Variants in VDAC1 observed in about 807,000 individuals in gnomAD.
VDAC1 encodes the protein voltage dependent anion channel 1.
VDAC1 carries 10 observed loss-of-function variants against 34.7 expected under a neutral mutation model. That is an observed-to-expected ratio of 0.29 (90% CI 0.18 to 0.49). VDAC1 has a LOEUF of 0.49. VDAC1 is among the 20% of genes least tolerant of loss of function. The pLI, the probability that VDAC1 is intolerant of heterozygous loss-of-function variation, is 0.99. For synonymous variants in VDAC1, 130 were observed against 136.0 expected (o/e 0.96, Z 0.30); for missense variants, 230 against 347.9 (o/e 0.66, Z 2.69).
At chr5:134,054,051 A>T in the VDAC1 span, among the ~76,000 whole-genome samples, 1 of 152,228 alleles carries the variant, frequency 6.6e-6, no homozygotes, top group Non-Finnish European at 1.5e-5. Flanking sequence ...TTTAATAACC[A>T]TTTGGTATAA....
chr5:134,085,866 C>T, the VDAC1 span, among the ~76,000 whole-genome samples: 2 of 151,732 alleles, frequency 1.3e-5, no homozygotes, highest in Non-Finnish European at 2.9e-5. Context: ...TATGATCAGC[C>T]TGGGTGACAG....
At chr5:134,004,111 G>T (rs938457686) in intron 1 of VDAC1, among the ~76,000 whole-genome samples, 8 of 152,178 alleles carry the variant, frequency 5.3e-5, no homozygotes, top group Admixed American at 3.3e-4. Flanking sequence ...GGTGCCGGGC[G>T]CCAGCTTCTG....
chr5:133,984,421 T>A (rs1271198553), intron 5 of VDAC1, among the ~76,000 whole-genome samples: 1 of 1,668 alleles, frequency 6.0e-4, no homozygotes, highest in Non-Finnish European at 1.5e-3. Context: ...ATGACCAGCG[T>A]GTGTGTGTGT....
chr5:134,014,265 G>A, the VDAC1 span, among the ~76,000 whole-genome samples: 1 of 152,118 alleles, frequency 6.6e-6, no homozygotes, highest in Non-Finnish European at 1.5e-5. Flanking sequence ...ACTCCAGCCT[G>A]GATGACAGAG....
At chr5:134,011,819 T>C in the VDAC1 span, among the ~76,000 whole-genome samples, 1 of 151,878 alleles carries the variant, frequency 6.6e-6, no homozygotes, top group Admixed American at 6.6e-5. Context: ...TCTGTATTTT[T>C]AGTAGAGACG....
rs759616930 is a variant in VDAC1, at chr5:133,974,518, C to T, written c.703-670G>A. ...TTTCAGAGTGCCCCTTTTAACAGTCCGCATGATAGAACAGGAACTGGTATT... is the reference window on the plus strand; with the variant it reads ...TTTCAGAGTGCCCCTTTTAACAGTCTGCATGATAGAACAGGAACTGGTATT... On this transcript the variant is annotated intron_variant, in intron 7 of 8. Coordinates refer to ENST00000265333, the MANE Select transcript of VDAC1 (RefSeq NM_003374.3). 4.6e-5 allele frequency among the ~76,000 whole-genome samples: 7 copies of T among 152,262 alleles called. No homozygotes were observed. The East Asian group carries it at 7.7e-4, about 17-fold the overall frequency.
chr5:134,084,279 G>A, the VDAC1 span, among the ~76,000 whole-genome samples: 16 of 152,300 alleles, frequency 1.1e-4, 1 homozygote, highest in African/African-American at 3.6e-4. Flanking sequence ...GTCTACTGGA[G>A]TATTGATTCC....
At chr5:134,041,587 T>C in the VDAC1 span, among the ~76,000 whole-genome samples, 1 of 152,028 alleles carries the variant, frequency 6.6e-6, no homozygotes, top group Non-Finnish European at 1.5e-5. Flanking sequence ...CCCACTCCAG[T>C]GGGGATGGGA....
At chr5:133,974,602 T>C (rs752712428) in intron 7 of VDAC1, among the ~76,000 whole-genome samples, 7 of 152,242 alleles carry the variant, frequency 4.6e-5, no homozygotes, top group Non-Finnish European at 8.8e-5. Context: ...AGCACTTTCC[T>C]GCTGTGTACC....
chr5:134,033,986 C>T, the VDAC1 span, among the ~76,000 whole-genome samples: 10 of 150,558 alleles, frequency 6.6e-5, no homozygotes, highest in Non-Finnish European at 1.5e-4. Flanking sequence ...AGCGAGACTC[C>T]GTCTCAAAAA....
chr5:134,114,400 A>G, the VDAC1 span, among the ~76,000 whole-genome samples: 1 of 152,098 alleles, frequency 6.6e-6, no homozygotes, highest in African/African-American at 2.4e-5. Flanking sequence ...CCCGCCCTCC[A>G]CAGCCGGAGG....
At chr5:133,997,246 T>C (rs1442600247) in intron 1 of VDAC1, among the ~76,000 whole-genome samples, 1 of 152,188 alleles carries the variant, frequency 6.6e-6, no homozygotes, top group Admixed American at 6.5e-5. Flanking sequence ...CCTGCCCCAC[T>C]GTAGCAACCA....
At chr5:134,109,914 A>C in the VDAC1 span, among the ~76,000 whole-genome samples, 2 of 151,990 alleles carry the variant, frequency 1.3e-5, no homozygotes, top group Admixed American at 1.3e-4. Flanking sequence ...GGCACTCCCG[A>C]CCCCTTGGAC....
chr5:133,988,493 G>A (rs946957700), intron 5 of VDAC1, among the ~76,000 whole-genome samples: 2 of 151,888 alleles, frequency 1.3e-5, no homozygotes, highest in Non-Finnish European at 2.9e-5. Context: ...GGCTGAGGCA[G>A]GAGAAACACA....
In VDAC1 at chr5:133,991,009, T is replaced by C. The variant is rs1171189184; in HGVS notation, c.263A>G (p.Glu88Gly). The C allele has an allele frequency of 6.2e-7, 1 of 1,614,154 alleles. No individual in the cohort carries two copies. The highest frequency in any genetic ancestry group is 1.7e-5 in the Admixed American group (1 of 60,030). Reference protein sequence around the residue: ...DNTLGTEITVEDQLARGLKLT... With the variant: ...DNTLGTEITVGDQLARGLKLT... ...TTTCACAGCAGCCATTACCTGATCT[T>C]CCACAGTAATCTCGGTGCCTAGTGT... The change falls in exon 4 of 9, where the codon GAA (glutamate) becomes GGA (glycine). Residue 88 changes from glutamate (E) to glycine (G), a missense_variant. Transcript: ENST00000265333.
chr5:133,996,873 T>C (rs931440398), intron 1 of VDAC1, among the ~76,000 whole-genome samples: 28 of 152,002 alleles, frequency 1.8e-4, no homozygotes, highest in Admixed American at 1.1e-3. Context: ...GTGGGGGAGT[T>C]GGGGAGACCC....
the VDAC1 span, among the ~76,000 whole-genome samples, chr5:134,062,990 T>C: frequency 3.4e-4 from 52 of 152,208 alleles, no homozygotes; most frequent in African/African-American, 1.2e-3. Flanking sequence ...TTGGCAAAAA[T>C]CACCCATAAA....
chr5:133,980,478 T>G (rs1752646715), intron 6 of VDAC1, among the ~76,000 whole-genome samples: 1 of 152,080 alleles, frequency 6.6e-6, no homozygotes, highest in Non-Finnish European at 1.5e-5. Flanking sequence ...AATCAGCCAC[T>G]TTGTGTACCT....
At chr5:134,055,585 A>C in the VDAC1 span, among the ~76,000 whole-genome samples, 1 of 82,036 alleles carries the variant, frequency 1.2e-5, no homozygotes, top group Non-Finnish European at 2.1e-5. Context: ...ACGCCCCGCT[A>C]ATGTTTTTTT....
Sources: gnomAD v4.1 joint callset for allele counts (sites outside exome capture counted in the v4.1 genomes callset) on GRCh38, gnomAD v4.1.1 for gene constraint, MANE v1.5 for transcripts, NCBI Gene and HGNC (gene_info 2026-07-23, HGNC 2026-07-21) for gene names.